FHAD1: variants seen among roughly 807,000 people sequenced by gnomAD.
The protein encoded by FHAD1 is forkhead associated phosphopeptide binding domain 1, also known as forkhead-associated domain-containing protein 1.
Under a neutral mutation model 191.3 loss-of-function variants are expected in FHAD1, and 146 were observed. That is an observed-to-expected ratio of 0.76 (90% confidence interval 0.67 to 0.88). The LOEUF (loss-of-function observed/expected upper bound fraction) is 0.88. FHAD1 is among the 40% of genes least tolerant of loss of function. FHAD1 has a pLI of 0.00. For missense variants in FHAD1, 1,635 were observed against 1,785.8 expected, an observed-to-expected ratio of 0.92 and a Z score of 1.52; for synonymous variants, 616 against 672.3, an observed-to-expected ratio of 0.92 and a Z score of 1.29.
chr1:15,351,379 T>A (rs932174086), intron 19 of FHAD1, among the ~76,000 whole-genome samples: 23 of 152,196 alleles, frequency 1.5e-4, no homozygotes, highest in African/African-American at 4.6e-4. Flanking sequence ...AAAATTTTTT[T>A]AAAAAGTCTC....
intron 2 of FHAD1, among the ~76,000 whole-genome samples, chr1:15,257,601 GT>G (rs1221768836): frequency 2.0e-5 from 3 of 152,124 alleles, no homozygotes; most frequent in Non-Finnish European, 4.4e-5. Flanking sequence ...GATGTGCCTC[GT>G]CTGATCTCGT....
At chr1:15,281,676 G>A (rs1021916202) in intron 3 of FHAD1, among the ~76,000 whole-genome samples, 8 of 148,128 alleles carry the variant, frequency 5.4e-5, no homozygotes, top group Admixed American at 3.4e-4. Flanking sequence ...CATAAAAATC[G>A]CTTGAACCCA....
intron 3 of FHAD1, among the ~76,000 whole-genome samples, chr1:15,273,118 C>T (rs1465228816): frequency 6.6e-6 from 1 of 152,110 alleles, no homozygotes; most frequent in East Asian, 1.9e-4. Context: ...TCCCGGGGCC[C>T]CTCCATGGGA....
chr1:15,327,202 T>C lies in FHAD1; in HGVS notation c.1557+60T>C. 8.4e-7 allele frequency: 1 copy of C among 1,186,416 alleles called. No homozygotes were observed. The allele number at this position is 1,186,416 out of a possible 1,614,324, so 73.5% of individuals were successfully genotyped here. ...CTTTCCTCTTCTTCTTCTTCGTGGA[T>C]CTGGATTCCAGACCCTGGGAGCATA... On this transcript the variant is annotated intron_variant, in intron 12 of 33. Coordinates refer to ENST00000688493, the MANE Select transcript of FHAD1 (RefSeq NM_001391957.1). The surrounding 1 kb of genome is among the most constrained non-coding windows in gnomAD (Gnocchi z 5.1).
chr1:15,360,522 G>A lies in FHAD1; in HGVS notation c.2781G>A (p.Lys927=). ...ERLILQQKMV[K]ALQDEQESQR... ...TAATCCTGCAGCAGAAGATGGTAAA[G>A]GCCCTCCAGGATGAGCAGGAATCAC... The change falls in exon 22 of 34, where the codon AAG becomes AAA. Residue 927 remains lysine, a synonymous_variant. Transcript: ENST00000688493. 2 of 1,551,752 alleles carry A rather than the reference G, an allele frequency of 1.3e-6. No individual in the cohort carries two copies. Among genetic ancestry groups the A allele is most frequent in the Non-Finnish European group, 1.7e-6 (2 of 1,146,952 alleles).
At chr1:15,321,972 T>G (rs1346216238) in intron 10 of FHAD1, among the ~76,000 whole-genome samples, 2 of 152,268 alleles carry the variant, frequency 1.3e-5, no homozygotes, top group Non-Finnish European at 2.9e-5. Flanking sequence ...CCATTGTGTT[T>G]TGGCTTCATT....
At chr1:15,355,963 TC>T (rs1692643493) in intron 20 of FHAD1, among the ~76,000 whole-genome samples, 1 of 144,476 alleles carries the variant, frequency 6.9e-6, no homozygotes, top group South Asian at 2.3e-4. Context: ...AGAAAATCAC[TC>T]CAAAGAAAAT....
chr1:15,246,979 A>T (rs1033357060), upstream of FHAD1, among the ~76,000 whole-genome samples: 4 of 152,094 alleles, frequency 2.6e-5, no homozygotes, highest in Non-Finnish European at 4.4e-5. Flanking sequence ...GCTTACAGTG[A>T]GGGGTAATGG....
rs1269797909 is a variant in FHAD1, at chr1:15,381,313, G to T, written c.3884G>T (p.Arg1295Leu). 3 of 1,551,526 alleles carry T rather than the reference G, an allele frequency of 1.9e-6. No individual in the cohort carries two copies. The highest frequency in any genetic ancestry group is 2.4e-5 in the East Asian group (1 of 40,916). Residue 1295 changes from arginine (R) to leucine (L), a missense_variant, in exon 30 of 34, where the codon CGC becomes CTC. Physicochemically the swap from Arg to Leu is moderately radical, Grantham distance 102. Transcript: ENST00000688493. The surrounding 1 kb of genome is among the most constrained non-coding windows in gnomAD (Gnocchi z 4.6). ...SGHVSMKYLS[R>L]QEREKVNQLR... The stretch of plus-strand genomic sequence containing the variant: ...CACGTGTCCATGAAATACCTCTCCC[G>T]CCAGGAGAGGGAGAAGGTCAACCAG...
At chr1:15,376,074 TTTATTTTTTTATTTA>T (rs1699532399) in intron 28 of FHAD1, among the ~76,000 whole-genome samples, 3 of 138,328 alleles carry the variant, frequency 2.2e-5, no homozygotes, top group East Asian at 2.1e-4. Flanking sequence ...TATTTATTTA[TTTATTTTTTTATTTA>T]TTTTTTTATT....
rs931361275 is a variant in FHAD1 at position 15,311,655 on chromosome 1, G to A, written c.1040-1402G>A. 6.6e-6 allele frequency among the ~76,000 whole-genome samples: 1 copy of A among 152,136 alleles called. No individual in the cohort carries two copies. The highest frequency in any genetic ancestry group is 2.4e-5 in the African/African-American group (1 of 41,412). ...GTGCAATAAAGATTGATTCTTGATT[G>A]ATACCCACCAATAAAACTAGGATGA... On this transcript the variant is annotated intron_variant, in intron 7 of 33. Coordinates refer to ENST00000688493, the MANE Select transcript of FHAD1 (RefSeq NM_001391957.1). The surrounding 1 kb of genome is among the most constrained non-coding windows in gnomAD (Gnocchi z 4.1).
At chr1:15,284,938 AAG>A (rs376218026) in intron 3 of FHAD1, among the ~76,000 whole-genome samples, 198 of 150,868 alleles carry the variant, frequency 1.3e-3, no homozygotes, top group Middle Eastern at 3.4e-3. Context: ...GAAAGAAAGA[AAG>A]AGAGTGAAAG....
intron 2 of FHAD1, among the ~76,000 whole-genome samples, chr1:15,256,645 CAAAAAAAAAAAAAAA>C (rs34598860): frequency 0.26 from 18,849 of 71,594 alleles, 1,522 homozygotes; most frequent in Middle Eastern, 0.34. Flanking sequence ...AGACTCTGTC[CAAAAAAAAAAAAAAA>C]AAAAAAAAAA....
Position 15,289,669 on chromosome 1 carries a change from A to G in FHAD1, c.568+3A>G, listed in dbSNP as rs1485223349. 1.9e-6 allele frequency: 3 copies of G among 1,545,352 alleles called. No individual in the cohort carries two copies. The highest frequency in any genetic ancestry group is 2.6e-6 in the Non-Finnish European group (3 of 1,142,066). On this transcript the variant is annotated splice_donor_region_variant and intron_variant, in intron 4 of 33. Coordinates refer to ENST00000688493, the MANE Select transcript of FHAD1 (RefSeq NM_001391957.1). The surrounding 1 kb of genome is among the most constrained non-coding windows in gnomAD (Gnocchi z 4.2). ...CAAGCCACCCGTCATCAAGCAAGGT[A>G]TGCGTCAGGGCTGCCATTGGTGGCT...
At position 15,382,815 on chromosome 1, in the gene FHAD1, G is replaced by A. The variant is rs887791055; in HGVS notation, c.4188+622G>A. 7.2e-5 allele frequency among the ~76,000 whole-genome samples: 11 copies of A among 152,184 alleles called. No homozygotes were observed. The South Asian group carries it at 1.0e-3, about 14-fold the overall frequency. ...CAAAGCCACAATGCCGCCAGTGACCGCAAAGGAGAGCTGGAGTTTGTCCAC... is the reference window on the plus strand; with the variant it reads ...CAAAGCCACAATGCCGCCAGTGACCACAAAGGAGAGCTGGAGTTTGTCCAC... On this transcript the variant is annotated intron_variant, in intron 31 of 33. Transcript: ENST00000688493.
chr1:15,315,556 G>C (rs1674140385), intron 8 of FHAD1, among the ~76,000 whole-genome samples: 2 of 144,412 alleles, frequency 1.4e-5, no homozygotes, highest in South Asian at 4.4e-4. Context: ...CGCGATCTCA[G>C]CTCACTGCAA....
chr1:15,253,949 T>C (rs1647096656), intron 2 of FHAD1, among the ~76,000 whole-genome samples: 2 of 152,332 alleles, frequency 1.3e-5, no homozygotes, highest in South Asian at 4.1e-4. Flanking sequence ...GGTTTTTTTA[T>C]AGATGTTCTT....
chr1:15,240,094 AT>A (rs1268263725), intron 1 of FHAD1, among the ~76,000 whole-genome samples: 2 of 152,114 alleles, frequency 1.3e-5, no homozygotes, highest in Non-Finnish European at 1.5e-5. Context: ...ATGGGATGTA[AT>A]TTCTGTGATT....
At chr1:15,389,447 C>CAAAAAAAAAA (rs570569622) in intron 32 of FHAD1, among the ~76,000 whole-genome samples, 25 of 54,218 alleles carry the variant, frequency 4.6e-4, no homozygotes, top group African/African-American at 1.2e-3. Context: ...GAACCTGTCT[C>CAAAAAAAAAA]AAAAAAAAAA....
Sources: gnomAD v4.1 joint callset for allele counts (sites outside exome capture counted in the v4.1 genomes callset) on GRCh38, gnomAD v4.1.1 for gene constraint, Gnocchi (gnomAD v3.1) non-coding constraint, MANE v1.5 for transcripts, NCBI Gene and HGNC (gene_info 2026-07-23, HGNC 2026-07-21) for gene names.